The following ZNF410 variants were observed in gnomAD, a reference collection of about 807,000 sequenced individuals.
ZNF410 encodes another partner for ARF 1.
A neutral mutation model predicts 54.8 loss-of-function variants in ZNF410; 18 were observed. The ratio of observed to expected loss-of-function variants is 0.33; its 90% CI spans 0.23 to 0.49. ZNF410 has a LOEUF of 0.49. Ranked by LOEUF, ZNF410 falls within the 20% of genes least tolerant of loss-of-function variation. ZNF410 has a pLI of 0.99. For missense variants in ZNF410, 405 were observed against 569.6 expected (o/e 0.71, Z 2.94); for synonymous variants, 191 against 207.3 (o/e 0.92, Z 0.68).
At chr14:73,888,420 G>A (rs958562765) in intron 1 of ZNF410, 17 of 152,140 alleles carry the variant, frequency 1.1e-4, no homozygotes, top group Admixed American at 9.8e-4. Flanking sequence ...GTACCTACCA[G>A]TTGCTTACTG....
At chr14:73,898,009 G>C in intron 4 of ZNF410, 62 bp from the exon 5 acceptor site, 2 of 1,271,610 alleles carry the variant, frequency 1.6e-6, no homozygotes, top group Non-Finnish European at 2.2e-6. Context: ...GAGAGTCTCT[G>C]AGCCAGGGCA....
intron 1 of ZNF410, chr14:73,888,253 T>G (rs1384566549): frequency 6.6e-6 from 1 of 152,194 alleles, no homozygotes; most frequent in African/African-American, 2.4e-5. Flanking sequence ...GATAATAATC[T>G]GGATTTTGGA....
At chr14:73,919,911 T>G (rs2055731576) in intron 8 of ZNF410, among the ~76,000 whole-genome samples, 1 of 145,028 alleles carries the variant, frequency 6.9e-6, no homozygotes, top group East Asian at 2.1e-4. Context: ...TTTTTTTTTT[T>G]GCTATGCAGG....
chr14:73,890,228 G>A (rs1378397099), intron 1 of ZNF410, among the ~76,000 whole-genome samples: 5 of 149,764 alleles, frequency 3.3e-5, no homozygotes, highest in Admixed American at 6.7e-5. Flanking sequence ...TTGCTCTGTC[G>A]CCCAGGCTGG....
chr14:73,898,213 T>A lies in ZNF410; in HGVS notation c.531T>A (p.Ile177=). The A allele has an allele frequency of 6.2e-7, 1 of 1,614,128 alleles. No individual in the cohort carries two copies. The highest frequency in any genetic ancestry group is 8.5e-7 in the Non-Finnish European group (1 of 1,180,024). ...AGGAGTTGGCCCATGACAGTTTGAT[T>A]GCTGCTACTCGTGCACAACTGGCAA... ...RVQELAHDSL[I]AATRAQLAKN... is the part of the protein sequence containing the mutation. The change falls in exon 5 of 12, where the codon ATT becomes ATA. Residue 177 remains isoleucine, a synonymous_variant. Transcript: ENST00000555044.
rs1165733088 is a variant in ZNF410, at chr14:73,921,090, G to C, written c.1114G>C (p.Glu372Gln). The change falls in exon 9 of 12, where the codon GAG (glutamate) becomes CAG (glutamine). Residue 372 changes from glutamate to glutamine, a missense_variant. This residue lies in a region of ZNF410 where 127 missense variants were observed against 141.3 expected (regional missense o/e 0.90). Transcript: ENST00000555044. Reference protein sequence around the residue: ...HLQLGAAGSQEQEQTAEPLMG... With the variant: ...HLQLGAAGSQQQEQTAEPLMG... ...GCAGCTGGGAGCAGCTGGGAGTCAA[G>C]AGCAGGAGCAAACTGGTGAGGAGGG... 6.2e-7 allele frequency: 1 copy of C among 1,614,056 alleles called. No homozygotes were observed. Among genetic ancestry groups the C allele is most frequent in the Non-Finnish European group, 8.5e-7 (1 of 1,179,998 alleles).
chr14:73,898,271 C>T lies in ZNF410; in HGVS notation c.580+9C>T, dbSNP rs199667815. On this transcript the variant is annotated intron_variant, in intron 5 of 11. Transcript: ENST00000555044. The stretch of plus-strand genomic sequence containing the variant: ...AAAAACCAGCAGCAATGGTGAGGCC[C>T]GTCGGCATTTTCCTTGCCACTATTC... 124 of 1,613,872 alleles carry T rather than the reference C, an allele frequency of 7.7e-5. No homozygotes were observed. The African/African-American group carries it at 1.3e-3, about 17-fold the overall frequency.
At chr14:73,908,010 T>C (rs2055518212) in intron 7 of ZNF410, among the ~76,000 whole-genome samples, 1 of 152,236 alleles carries the variant, frequency 6.6e-6, no homozygotes. Flanking sequence ...AAACACTCTT[T>C]TGAAATTGTA....
chr14:73,911,490 T>C (rs2055577548), intron 8 of ZNF410, among the ~76,000 whole-genome samples: 1 of 152,234 alleles, frequency 6.6e-6, no homozygotes, highest in Non-Finnish European at 1.5e-5. Context: ...TTTTTTAATA[T>C]GATGACAAGT....
rs368369854 is a variant in ZNF410 at position 73,895,276 on chromosome 14, G to GT, written c.170-1039dup. 1.0e-3 allele frequency: 157 copies of GT among 152,286 alleles called. 4 individuals carry two copies. The highest frequency in any genetic ancestry group is 3.7e-3 in the African/African-American group (152 of 41,556). 9.4% of individuals were successfully genotyped at this position (152,286 alleles called of 1,614,324 possible). On this transcript the variant is annotated intron_variant, in intron 3 of 11. Coordinates refer to ENST00000555044, the MANE Select transcript of ZNF410 (RefSeq NM_021188.3). ...TAAAGATGGAAGATAACAAGTGTTGGTAAGGATATGGAGAAAAGGGAACCT... is the reference window on the plus strand; with the variant it reads ...TAAAGATGGAAGATAACAAGTGTTGGTTAAGGATATGGAGAAAAGGGAACCT...
chr14:73,926,644 A>C lies in ZNF410; in HGVS notation c.1398+3122A>C, dbSNP rs143773389. Among the ~76,000 whole-genome samples the C allele has an allele frequency of 7.2e-4, 109 of 152,246 alleles. 1 individual carries two copies. The highest frequency in any genetic ancestry group is 2.6e-3 in the African/African-American group (106 of 41,558). ...GAGACGGGCTTTTACCATGTTGGCC[A>C]GGCTGGTCCCAAACTCCTGACCTCA... On this transcript the variant is annotated intron_variant, in intron 11 of 11. Transcript: ENST00000555044.
At chr14:73,890,249 C>T (rs1409767087) in intron 1 of ZNF410, among the ~76,000 whole-genome samples, 1 of 150,434 alleles carries the variant, frequency 6.6e-6, no homozygotes, top group African/African-American at 2.4e-5. Flanking sequence ...AGTACAGTGA[C>T]GCAGTCTCAG....
intron 7 of ZNF410, among the ~76,000 whole-genome samples, chr14:73,905,944 T>C (rs10142980): frequency 0.034 from 2,622 of 76,428 alleles, 36 homozygotes; most frequent in African/African-American, 0.067. Context: ...TACATATATA[T>C]ACACACACAC....
rs1351825722 is a variant in ZNF410, at chr14:73,922,059, T to C, written c.1130-7T>C. 5.0e-6 allele frequency: 8 copies of C among 1,613,752 alleles called. No individual in the cohort carries two copies. Among genetic ancestry groups the C allele is most frequent in the East Asian group, 2.2e-5 (1 of 44,894 alleles). Reference sequence around the variant, plus strand: ...TGTATGTCTCTCACAACCTATTCTCTGTGCAGCTGAGCCACTAATGGGCAG... The same window carrying C: ...TGTATGTCTCTCACAACCTATTCTCCGTGCAGCTGAGCCACTAATGGGCAG... On this transcript the variant is annotated splice_polypyrimidine_tract_variant and splice_region_variant and intron_variant, in intron 9 of 11. Coordinates refer to ENST00000555044, the MANE Select transcript of ZNF410 (RefSeq NM_021188.3).
rs1476554668 is a variant in ZNF410, at chr14:73,930,589, AT to A, written c.1399-912del. On this transcript the variant is annotated intron_variant, in intron 11 of 11. Transcript: ENST00000555044. ...TTGTTTTTGTTCTGAATTTTACTGA[AT>A]TGTTCCCATCTCATTTTTGTGTGTC... Among the ~76,000 whole-genome samples the A allele has an allele frequency of 3.9e-5, 6 of 152,256 alleles. No homozygotes were observed. The East Asian group carries it at 1.2e-3, about 29-fold the overall frequency.
intron 3 of ZNF410, among the ~76,000 whole-genome samples, chr14:73,894,743 C>G (rs778859835): frequency 6.6e-6 from 1 of 152,060 alleles, no homozygotes; most frequent in Non-Finnish European, 1.5e-5. Context: ...TACATACTTT[C>G]TAAAGTCTCT....
intron 11 of ZNF410, among the ~76,000 whole-genome samples, chr14:73,928,131 G>A (rs560487109): frequency 2.0e-5 from 3 of 152,154 alleles, no homozygotes; most frequent in Admixed American, 6.5e-5. Flanking sequence ...GAGCCACTGC[G>A]CCCAGCCTAA....
intron 6 of ZNF410, 22 bp from the exon 7 acceptor site, chr14:73,904,880 C>T: frequency 1.2e-6 from 2 of 1,609,198 alleles, no homozygotes; most frequent in Middle Eastern, 1.7e-4. Flanking sequence ...AGATATTTTT[C>T]CTTATGTGAT....
chr14:73,900,101 C>CAGG (rs35164256), intron 5 of ZNF410, among the ~76,000 whole-genome samples: 73,414 of 150,386 alleles, frequency 0.49, 18,061 homozygotes, highest in South Asian at 0.61. Context: ...AAGGCTGAGA[C>CAGG]AGAACTGCTT....
Sources: gnomAD v4.1 joint callset for allele counts (sites outside exome capture counted in the v4.1 genomes callset) on GRCh38, gnomAD v4.1.1 for gene constraint, gnomAD v4.1.1 regional missense constraint, MANE v1.5 for transcripts, NCBI Gene and HGNC (gene_info 2026-07-23, HGNC 2026-07-21) for gene names.